The following RIMS1 variants were observed in gnomAD, a reference collection of about 807,000 sequenced individuals.
RIMS1 encodes the protein regulating synaptic membrane exocytosis 1.
A neutral mutation model predicts 214.1 loss-of-function variants in RIMS1; 83 were observed. The observed-to-expected ratio is 0.39, with a 90% CI of 0.32 to 0.47. RIMS1 has a LOEUF of 0.47. RIMS1 is among the 20% of genes least tolerant of loss of function. The pLI, the probability that RIMS1 is intolerant of heterozygous loss-of-function variation, is 0.99. For missense variants in RIMS1, 2,050 were observed against 2,161.8 expected, an observed-to-expected ratio of 0.95 and a Z score of 1.03; for synonymous variants, 793 against 786.8, an observed-to-expected ratio of 1.01 and a Z score of -0.13.
chr6:72,329,111 C>T (rs147716926), intron 28 of RIMS1, among the ~76,000 whole-genome samples: 136 of 151,988 alleles, frequency 8.9e-4, no homozygotes, highest in African/African-American at 3.1e-3. Context: ...GCTGTTGCCT[C>T]TTGAGGTTAA....
intron 4 of RIMS1, among the ~76,000 whole-genome samples, chr6:72,158,549 T>TCCCTCCG (rs1211487647): frequency 7.7e-6 from 1 of 130,286 alleles, no homozygotes; most frequent in African/African-American, 2.6e-5. Context: ...CCTAATGCTA[T>TCCCTCCG]CCCTCCGCCC....
intron 4 of RIMS1, among the ~76,000 whole-genome samples, chr6:72,103,973 A>C (rs1366791670): frequency 6.6e-6 from 1 of 152,108 alleles, no homozygotes; most frequent in Non-Finnish European, 1.5e-5. Context: ...TAGCTTAGTA[A>C]TTTCTTGAGA....
At chr6:72,314,720 A>C (rs1484052091) in intron 28 of RIMS1, among the ~76,000 whole-genome samples, 1 of 152,198 alleles carries the variant, frequency 6.6e-6, no homozygotes, top group African/African-American at 2.4e-5. Flanking sequence ...AGCTAAGATC[A>C]AGGGGTAAGA....
At chr6:72,262,564 A>G (rs144827450) in intron 19 of RIMS1, 5 of 982,372 alleles carry the variant, frequency 5.1e-6, no homozygotes, top group Non-Finnish European at 6.0e-6. Context: ...AAGTATGGAG[A>G]TAGAGACAAC....
chr6:72,155,971 G>A (rs2044387542), intron 4 of RIMS1: 1 of 229,904 alleles, frequency 4.3e-6, no homozygotes, highest in Non-Finnish European at 9.2e-6. Flanking sequence ...AAGATAACAA[G>A]TGTTGGTGAG....
intron 2 of RIMS1, among the ~76,000 whole-genome samples, chr6:71,972,517 T>A (rs935473696): frequency 6.6e-6 from 1 of 152,338 alleles, no homozygotes; most frequent in East Asian, 1.9e-4. Flanking sequence ...CAATATACTT[T>A]ATATTTTTGA....
intron 2 of RIMS1, among the ~76,000 whole-genome samples, chr6:71,979,402 C>A (rs1797940503): frequency 6.6e-6 from 1 of 152,004 alleles, no homozygotes. Context: ...CAGGGTCACC[C>A]AGCAGGACAG....
intron 29 of RIMS1, among the ~76,000 whole-genome samples, chr6:72,340,856 G>C (rs895504453): frequency 6.6e-6 from 1 of 151,832 alleles, no homozygotes; most frequent in African/African-American, 2.4e-5. Flanking sequence ...GGCATTGAAT[G>C]TATAAATTAC....
chr6:72,363,541 G>C (rs1201523846), intron 29 of RIMS1, among the ~76,000 whole-genome samples: 2 of 152,128 alleles, frequency 1.3e-5, no homozygotes, highest in African/African-American at 4.8e-5. Flanking sequence ...AATATTTGGA[G>C]TTGAAATATA....
At chr6:72,146,182 T>C (rs901495099) in intron 4 of RIMS1, among the ~76,000 whole-genome samples, 22 of 152,332 alleles carry the variant, frequency 1.4e-4, no homozygotes, top group Admixed American at 4.6e-4. Flanking sequence ...TGTCACAATC[T>C]CTACAGCTAT....
chr6:72,276,016 C>T (rs1233511588), intron 23 of RIMS1, among the ~76,000 whole-genome samples: 1 of 151,842 alleles, frequency 6.6e-6, no homozygotes, highest in Admixed American at 6.5e-5. Flanking sequence ...AGTTTGAGAT[C>T]AGCCTGGGCA....
chr6:72,288,671 T>C (rs1173583403), intron 24 of RIMS1, among the ~76,000 whole-genome samples: 1 of 152,142 alleles, frequency 6.6e-6, no homozygotes, highest in Non-Finnish European at 1.5e-5. Flanking sequence ...GGTTCTATCA[T>C]CTCTCCTCTG....
chr6:72,285,844 C>G (rs1017355346), intron 24 of RIMS1, among the ~76,000 whole-genome samples: 2 of 152,108 alleles, frequency 1.3e-5, no homozygotes, highest in East Asian at 3.9e-4. Flanking sequence ...ATGATTAAAC[C>G]TTTTCCTTGA....
intron 29 of RIMS1, among the ~76,000 whole-genome samples, chr6:72,353,753 A>G (rs1272947522): frequency 1.3e-5 from 2 of 152,202 alleles, no homozygotes; most frequent in African/African-American, 4.8e-5. Flanking sequence ...TATGTCTACA[A>G]ATAACAGGCA....
chr6:72,167,096 T>C (rs1029026876), intron 4 of RIMS1, among the ~76,000 whole-genome samples: 1 of 152,018 alleles, frequency 6.6e-6, no homozygotes, highest in Non-Finnish European at 1.5e-5. Context: ...GGAATTATTC[T>C]GAAATCTTTT....
rs573978625 is a variant in RIMS1, at chr6:72,025,649, T to C, written c.245+56586T>C. On this transcript the variant is annotated intron_variant, in intron 2 of 33. Coordinates refer to ENST00000521978, the MANE Select transcript of RIMS1 (RefSeq NM_014989.7). ...GTTGAGTTGATGGCTAGGACCTTTT[T>C]GTACTAGTTATCTATTGCTTCACTC... Among the ~76,000 whole-genome samples the C allele has an allele frequency of 3.2e-3, 491 of 152,322 alleles. 3 individuals are homozygous for C. Among genetic ancestry groups the C allele is most frequent in the Non-Finnish European group, 4.5e-3 (303 of 68,024 alleles).
intron 29 of RIMS1, among the ~76,000 whole-genome samples, chr6:72,381,992 AG>A (rs1595880384): frequency 6.6e-6 from 1 of 152,224 alleles, no homozygotes; most frequent in East Asian, 1.9e-4. Flanking sequence ...ATTCTCTTGA[AG>A]GAAAATATCA....
At chr6:72,142,581 A>C (rs1312924495) in intron 4 of RIMS1, among the ~76,000 whole-genome samples, 1 of 152,080 alleles carries the variant, frequency 6.6e-6, no homozygotes, top group Non-Finnish European at 1.5e-5. Context: ...GACTGATCTC[A>C]GTGTGAAATC....
chr6:72,239,072 A>G lies in RIMS1; in HGVS notation c.1957+1150A>G, dbSNP rs375773861. Among the ~76,000 whole-genome samples, 174 of 152,278 alleles carry G rather than the reference A, an allele frequency of 1.1e-3. 7 individuals are homozygous for G. In the South Asian group the frequency reaches 0.035, roughly 31 times the overall value. On this transcript the variant is annotated intron_variant, in intron 9 of 33. Coordinates refer to ENST00000521978, the MANE Select transcript of RIMS1 (RefSeq NM_014989.7). The stretch of plus-strand genomic sequence containing the variant: ...TATGATTCAGTAGGAAAATAACTCA[A>G]TCAGGGTTGACTCTGTCAGTAAACT...
Sources: allele counts gnomAD v4.1 joint callset (sites outside exome capture counted in the v4.1 genomes callset), GRCh38; gene constraint gnomAD v4.1.1; transcripts MANE v1.5; gene names NCBI Gene and HGNC (gene_info 2026-07-23, HGNC 2026-07-21).